PAGR1: variants seen among roughly 807,000 people sequenced by gnomAD.
PAGR1 encodes the protein PAXIP1 associated glutamate rich protein 1, also known as PAXIP1-associated glutamate-rich protein 1.
PAGR1 carries 20 observed loss-of-function variants against 22.4 expected under a neutral mutation model. The observed-to-expected ratio is 0.89, with a 90% CI of 0.63 to 1.30. The LOEUF is 1.30. Ranked by LOEUF, PAGR1 falls within the 50% of genes most tolerant of loss-of-function variation. The pLI, the probability that PAGR1 is intolerant of heterozygous loss-of-function variation, is 0.00. For synonymous variants in PAGR1, 161 were observed against 148.3 expected, an observed-to-expected ratio of 1.09 and a Z score of -0.62; for missense variants, 338 against 343.6, an observed-to-expected ratio of 0.98 and a Z score of 0.13.
At chr16:29,818,070 C>T (rs926666584) in intron 2 of PAGR1, 6 of 152,230 alleles carry the variant, frequency 3.9e-5, no homozygotes, top group Non-Finnish European at 5.9e-5. Context: ...CAAGTCCTGG[C>T]CTTTCAATAT....
Position 29,821,381 on chromosome 16 carries a change from G to C in PAGR1, c.*1627G>C, listed in dbSNP as rs767090611. The stretch of plus-strand genomic sequence containing the variant: ...TGGGCAGGACAGCCCTCTGTATGTA[G>C]CCTTGAGCAGGTAGGGGGGCCACCT... On this transcript the variant is annotated 3_prime_UTR_variant, in exon 3 of 3. Transcript: ENST00000320330. 1 of 152,242 alleles carries C rather than the reference G, an allele frequency of 6.6e-6. No individual in the cohort carries two copies. Among genetic ancestry groups the C allele is most frequent in the Non-Finnish European group, 1.5e-5 (1 of 68,068 alleles). The allele number at this position is 152,242 out of a possible 1,614,324, so 9.4% of individuals were successfully genotyped here. A position where few individuals can be genotyped will look rare whatever the true frequency, so the allele number is the denominator to read the frequency against.
Position 29,816,409 on chromosome 16 carries a change from C to G in PAGR1, c.-117C>G, listed in dbSNP as rs1427539303. 8.9e-7 allele frequency: 1 copy of G among 1,126,438 alleles called. No homozygotes were observed. 69.8% of individuals were successfully genotyped at this position (1,126,438 alleles called of 1,614,324 possible). Reference sequence around the variant, plus strand: ...ACGGGCGGTCTGGCCGCGGAGTCCCCTGCGGGAGCGTGATTGGCTGGAAAC... The same window carrying G: ...ACGGGCGGTCTGGCCGCGGAGTCCCGTGCGGGAGCGTGATTGGCTGGAAAC... On this transcript the variant is annotated 5_prime_UTR_variant, in exon 1 of 3. Coordinates refer to ENST00000320330, the MANE Select transcript of PAGR1 (RefSeq NM_024516.4).
chr16:29,818,797 AAGCTTCCCAAAGTGCCTGCCTC>A (rs1443939929), intron 2 of PAGR1, among the ~76,000 whole-genome samples: 1 of 151,960 alleles, frequency 6.6e-6, no homozygotes, highest in East Asian at 1.9e-4. Context: ...TCCTGACCTA[AAGCTTCCCAAAGTGCCTGCCTC>A]AGCTTCCCAA....
Position 29,816,351 on chromosome 16 carries a change from T to G in PAGR1, c.-175T>G. ...CCGAACCTCGATCTCCGGGGCGGGG[T>G]CCTTGGTGGGGACTGAGCGCCCCCT... is the stretch of plus-strand genomic sequence containing the variant. On this transcript the variant is annotated 5_prime_UTR_variant, in exon 1 of 3. Coordinates refer to ENST00000320330, the MANE Select transcript of PAGR1 (RefSeq NM_024516.4). The G allele has an allele frequency of 3.7e-6, 2 of 536,816 alleles. No homozygotes were observed. Among genetic ancestry groups the G allele is most frequent in the Admixed American group, 4.0e-5 (1 of 25,034 alleles). The allele number at this position is 536,816 out of a possible 1,614,324, so 33.3% of individuals were successfully genotyped here.
intron 2 of PAGR1, among the ~76,000 whole-genome samples, chr16:29,817,549 C>T (rs571455659): frequency 6.9e-6 from 1 of 144,360 alleles, no homozygotes. Context: ...TCTCAACTCA[C>T]TGCAACCTCC....
chr16:29,816,196 T>G lies in PAGR1; in HGVS notation c.-330T>G. ...CTTGACGTGGCCCACAACTGAAAGG[T>G]CTGGGGAGAAGGCGCCGTGTCCGGG... On this transcript the variant is annotated 5_prime_UTR_variant, in exon 1 of 3. Coordinates refer to ENST00000320330, the MANE Select transcript of PAGR1 (RefSeq NM_024516.4). The G allele has an allele frequency of 2.6e-6, 1 of 381,236 alleles. No individual in the cohort carries two copies. The highest frequency in any genetic ancestry group is 4.7e-6 in the Non-Finnish European group (1 of 214,226). 23.6% of individuals were successfully genotyped at this position (381,236 alleles called of 1,614,324 possible).
chr16:29,816,522 G>T lies in PAGR1; in HGVS notation c.-4G>T. On this transcript the variant is annotated 5_prime_UTR_variant, in exon 1 of 3. Coordinates refer to ENST00000320330, the MANE Select transcript of PAGR1 (RefSeq NM_024516.4). ...TCGTCGCAGGGTCCCTGCCCTAGTG[G>T]CCTATGTCCCTTGCTCGGGGCCATG... 1.3e-6 allele frequency: 2 copies of T among 1,502,558 alleles called. No individual in the cohort carries two copies. Among genetic ancestry groups the T allele is most frequent in the South Asian group, 1.4e-5 (1 of 72,438 alleles). 93.1% of individuals were successfully genotyped at this position (1,502,558 alleles called of 1,614,324 possible). A position where few individuals can be genotyped will look rare whatever the true frequency, so the allele number is the denominator to read the frequency against.
At position 29,816,670 on chromosome 16, in the gene PAGR1, G is replaced by A; in HGVS notation, c.145G>A (p.Glu49Lys). Residue 49 changes from glutamate (E) to lysine (K), a missense_variant, in exon 1 of 3, where the codon GAG (glutamate) becomes AAG (lysine). Physicochemically the swap from Glu to Lys is moderately conservative, Grantham distance 56. Coordinates refer to ENST00000320330, the MANE Select transcript of PAGR1 (RefSeq NM_024516.4). ...TGCCTCGGCCGGTAAGGCCGAGGAC[G>A]AGGGGGAAGGAGGCCGAGAGGAGAC... ...PSASAGKAED[E>K]GEGGREETER... is the part of the protein sequence containing the mutation. 2 of 1,592,428 alleles carry A rather than the reference G, an allele frequency of 1.3e-6. No individual in the cohort carries two copies. Among genetic ancestry groups the A allele is most frequent in the Non-Finnish European group, 1.7e-6 (2 of 1,167,272 alleles).
Position 29,822,321 on chromosome 16 carries a change from TAAA to T in PAGR1, c.*2578_*2580del, listed in dbSNP as rs58807414. Among the ~76,000 whole-genome samples the T allele has an allele frequency of 4.9e-4, 70 of 143,536 alleles. No individual in the cohort carries two copies. Among genetic ancestry groups the T allele is most frequent in the Admixed American group, 2.1e-4 (3 of 14,290 alleles). The allele number at this position is 143,536 out of a possible 152,430, so 94.2% of individuals were successfully genotyped here. ...AAAAGTTCCTAAAACTGTGCTGCTTTAAAAAAAAAAAAAGTAATTTATGAGACA... is the reference window on the plus strand; with the variant it reads ...AAAAGTTCCTAAAACTGTGCTGCTTTAAAAAAAAAAGTAATTTATGAGACA... On this transcript the variant is annotated 3_prime_UTR_variant, in exon 3 of 3. Coordinates refer to ENST00000320330, the MANE Select transcript of PAGR1 (RefSeq NM_024516.4).
In PAGR1 at chr16:29,816,540, G is replaced by C; in HGVS notation, c.15G>C (p.Arg5=). MSLA[R]GHGDTAASTA... The stretch of plus-strand genomic sequence containing the variant: ...CCTAGTGGCCTATGTCCCTTGCTCG[G>C]GGCCATGGAGACACTGCGGCCAGTA... The change falls in exon 1 of 3, where the codon CGG becomes CGC. Residue 5 remains arginine (R), a synonymous_variant. Coordinates refer to ENST00000320330, the MANE Select transcript of PAGR1 (RefSeq NM_024516.4). 6.6e-7 allele frequency: 1 copy of C among 1,509,286 alleles called. No homozygotes were observed. Among genetic ancestry groups the C allele is most frequent in the Non-Finnish European group, 8.8e-7 (1 of 1,130,812 alleles). The allele number at this position is 1,509,286 out of a possible 1,614,324, so 93.5% of individuals were successfully genotyped here.
chr16:29,817,517 A>G (rs1408505814), intron 2 of PAGR1, among the ~76,000 whole-genome samples: 1 of 107,924 alleles, frequency 9.3e-6, no homozygotes. Flanking sequence ...CTTGTCCCCC[A>G]GGCTGGAGTG....
rs993962270 is a variant in PAGR1, at chr16:29,822,470, C to T, written c.*2716C>T. 6.6e-6 allele frequency: 1 copy of T among 152,118 alleles called. No individual in the cohort carries two copies. 9.4% of individuals were successfully genotyped at this position (152,118 alleles called of 1,614,324 possible). ...ATTCTCTAAAGACTAGAATATTTAA[C>T]TTAAATCAGTGAGAAACTCTGTGAA... On this transcript the variant is annotated 3_prime_UTR_variant, in exon 3 of 3. Coordinates refer to ENST00000320330, the MANE Select transcript of PAGR1 (RefSeq NM_024516.4).
rs867944841 is a variant in PAGR1, at chr16:29,816,583, G to A, written c.58G>A (p.Glu20Lys). The part of the protein sequence containing the change: ...TAASTAAPLS[E>K]EGEVTSGLQA... ...GGCCAGTACGGCGGCGCCTCTGTCT[G>A]AAGAAGGGGAAGTGACCTCCGGCCT... Residue 20 changes from glutamate to lysine, a missense_variant, in exon 1 of 3, where the codon GAA becomes AAA. Glu to Lys is a moderately conservative substitution (Grantham distance 56, BLOSUM62 1). Coordinates refer to ENST00000320330, the MANE Select transcript of PAGR1 (RefSeq NM_024516.4). 6.6e-7 allele frequency: 1 copy of A among 1,513,724 alleles called. No individual in the cohort carries two copies. Among genetic ancestry groups the A allele is most frequent in the Non-Finnish European group, 8.8e-7 (1 of 1,134,632 alleles). 93.8% of individuals were successfully genotyped at this position (1,513,724 alleles called of 1,614,324 possible). A position where few individuals can be genotyped will look rare whatever the true frequency, so the allele number is the denominator to read the frequency against.
At position 29,819,662 on chromosome 16, in the gene PAGR1, C is replaced by A; in HGVS notation, c.673C>A (p.Leu225Ile). ...EEQILRTGRD[L>I]FSLDSEDPSP... ...GCAGATCCTTCGTACCGGGAGGGAC[C>A]TCTTCAGCCTGGACTCGGAGGACCC... Residue 225 changes from leucine (L) to isoleucine (I), a missense_variant, in exon 3 of 3, where the codon CTC becomes ATC. Physicochemically the swap from Leu to Ile is conservative, Grantham distance 5. Coordinates refer to ENST00000320330, the MANE Select transcript of PAGR1 (RefSeq NM_024516.4). 6.2e-7 allele frequency: 1 copy of A among 1,614,038 alleles called. No homozygotes were observed. Among genetic ancestry groups the A allele is most frequent in the Non-Finnish European group, 8.5e-7 (1 of 1,180,042 alleles).
At chr16:29,819,459 T>G in intron 2 of PAGR1, 96 bp from the exon 3 acceptor site, 1 of 1,326,486 alleles carries the variant, frequency 7.5e-7, no homozygotes. Context: ...GGGACCTGCA[T>G]GTTTAACCAG....
chr16:29,816,523 C>A lies in PAGR1; in HGVS notation c.-3C>A. ...CGTCGCAGGGTCCCTGCCCTAGTGG[C>A]CTATGTCCCTTGCTCGGGGCCATGG... On this transcript the variant is annotated 5_prime_UTR_variant, in exon 1 of 3. Transcript: ENST00000320330. 1 of 1,504,780 alleles carries A rather than the reference C, an allele frequency of 6.6e-7. No homozygotes were observed. The highest frequency in any genetic ancestry group is 2.3e-5 in the East Asian group (1 of 43,650). The allele number at this position is 1,504,780 out of a possible 1,614,324, so 93.2% of individuals were successfully genotyped here. A position where few individuals can be genotyped will look rare whatever the true frequency, so the allele number is the denominator to read the frequency against.
Position 29,821,647 on chromosome 16 carries a change from C to G in PAGR1, c.*1893C>G, listed in dbSNP as rs758836885. ...TTTCTGCCTGAGAAGCCACTGCCTC[C>G]TAGTTTGTGGTCTCTACAGTTATAG... On this transcript the variant is annotated 3_prime_UTR_variant, in exon 3 of 3. Coordinates refer to ENST00000320330, the MANE Select transcript of PAGR1 (RefSeq NM_024516.4). Among the ~76,000 whole-genome samples, 16 of 152,164 alleles carry G rather than the reference C, an allele frequency of 1.1e-4. No individual in the cohort carries two copies. Among genetic ancestry groups the G allele is most frequent in the Non-Finnish European group, 1.9e-4 (13 of 68,018 alleles).
rs151236490 is a variant in PAGR1 at position 29,819,719 on chromosome 16, G to T, written c.730G>T (p.Gly244Trp). Residue 244 changes from glycine (G) to tryptophan (W), a missense_variant, in exon 3 of 3, where the codon GGG (glycine) becomes TGG (tryptophan). By Grantham distance (184) the Gly-to-Trp change is radical. This residue lies in a region of PAGR1 where 52 missense variants were observed against 44.5 expected (regional missense o/e 1.17). Coordinates refer to ENST00000320330, the MANE Select transcript of PAGR1 (RefSeq NM_024516.4). ...CGCCAGCCCCCCACTCCGATCCTCC[G>T]GGAGTAGTCTCTTCCCTCGGCAGCG... ...SPASPPLRSS[G>W]SSLFPRQRKY 2 of 1,613,252 alleles carry T rather than the reference G, an allele frequency of 1.2e-6. No individual in the cohort carries two copies. The highest frequency in any genetic ancestry group is 1.7e-6 in the Non-Finnish European group (2 of 1,179,678).
In PAGR1 at chr16:29,816,896, C is replaced by G. The variant is rs768003848; in HGVS notation, c.371C>G (p.Thr124Ser). The G allele has an allele frequency of 3.2e-6, 5 of 1,562,932 alleles. No homozygotes were observed. The South Asian group carries it at 5.8e-5, about 18-fold the overall frequency. ...RLYELLAAHGTLELQAEILPR... is the reference protein window; with the variant it reads ...RLYELLAAHGSLELQAEILPR... ...TATGAACTGCTGGCTGCCCACGGTA[C>G]TCTGGAGCTGCAAGCCGAGATCCTG... Residue 124 changes from threonine (T) to serine (S), a missense_variant, in exon 1 of 3, where the codon ACT (threonine) becomes AGT (serine). Around this residue, in one of 3 missense-constraint regions of PAGR1, gnomAD observed 235 missense variants for 216.0 expected, o/e 1.09. Coordinates refer to ENST00000320330, the MANE Select transcript of PAGR1 (RefSeq NM_024516.4).
Sources: gnomAD v4.1 joint callset for allele counts (sites outside exome capture counted in the v4.1 genomes callset) on GRCh38, gnomAD v4.1.1 for gene constraint, gnomAD v4.1.1 regional missense constraint, MANE v1.5 for transcripts, NCBI Gene and HGNC (gene_info 2026-07-23, HGNC 2026-07-21) for gene names.